ANO3: variants seen among roughly 807,000 people sequenced by gnomAD.
The protein encoded by ANO3 is anoctamin-3.
Under a neutral mutation model 144.8 loss-of-function variants are expected in ANO3, and 99 were observed. The observed-to-expected ratio is 0.68, with a 90% confidence interval of 0.58 to 0.81. The LOEUF is 0.81. Ranked by LOEUF, ANO3 falls within the 30% of genes least tolerant of loss-of-function variation. The probability of loss-of-function intolerance (pLI) is 0.00; values close to 1 mark genes in which losing one functional copy is unlikely to be tolerated. For missense variants in ANO3, 905 were observed against 1,202.2 expected, an observed-to-expected ratio of 0.75 and a Z score of 3.66; for synonymous variants, 414 against 392.6, an observed-to-expected ratio of 1.05 and a Z score of -0.64.
intron 18 of ANO3, among the ~76,000 whole-genome samples, chr11:26,630,824 G>A (rs189398779): frequency 2.0e-5 from 3 of 152,172 alleles, no homozygotes; most frequent in East Asian, 1.9e-4. Context: ...TCAATATTAC[G>A]TTAATCTCAC....
At chr11:26,572,030 C>A (rs914616419) in intron 14 of ANO3, 5 of 955,612 alleles carry the variant, frequency 5.2e-6, no homozygotes, top group African/African-American at 1.8e-5. Context: ...AGTGACCCAA[C>A]GCACACTTAC....
intron 17 of ANO3, among the ~76,000 whole-genome samples, chr11:26,620,527 A>G (rs1852384536): frequency 6.6e-6 from 1 of 152,078 alleles, no homozygotes; most frequent in South Asian, 2.1e-4. Flanking sequence ...TTCCAATTAA[A>G]AATTTTTAAA....
At chr11:26,629,195 A>C (rs1388005463) in intron 18 of ANO3, among the ~76,000 whole-genome samples, 1 of 152,116 alleles carries the variant, frequency 6.6e-6, no homozygotes, top group African/African-American at 2.4e-5. Context: ...GGGTAAAGCA[A>C]CTGAATAGCA....
intron 1 of ANO3, among the ~76,000 whole-genome samples, chr11:26,362,446 G>A (rs1325217376): frequency 2.0e-5 from 3 of 152,194 alleles, no homozygotes; most frequent in African/African-American, 7.2e-5. Flanking sequence ...CACTGAGCAA[G>A]TCAATTTATC....
At chr11:26,534,708 T>G in intron 9 of ANO3, 146 bp downstream of exon 9, 1 of 442,880 alleles carries the variant, frequency 2.3e-6, no homozygotes. Context: ...AAGCATTCCA[T>G]TTTTCAGCCT....
Position 26,516,875 on chromosome 11 carries a change from T to C in ANO3, c.640T>C (p.Trp214Arg). ...CATGTTTATTAAAATTCACATTCCA[T>C]GGGACACGCTGTGCAAGTATGCAGA... ...DIMFIKIHIP[W>R]DTLCKYAERL... Residue 214 changes from tryptophan (W) to arginine (R), a missense_variant, in exon 6 of 27, where the codon TGG (tryptophan) becomes CGG (arginine). Physicochemically the swap from Trp to Arg is moderately radical, Grantham distance 101 (BLOSUM62 -3). This residue lies in a region of ANO3 where 63 missense variants were observed against 107.3 expected (regional missense o/e 0.59). Transcript: ENST00000256737. 6.2e-7 allele frequency: 1 copy of C among 1,611,970 alleles called. No homozygotes were observed. The highest frequency in any genetic ancestry group is 8.5e-7 in the Non-Finnish European group (1 of 1,178,476).
intron 4 of ANO3, among the ~76,000 whole-genome samples, chr11:26,507,377 A>G (rs995603502): frequency 6.6e-6 from 1 of 152,228 alleles, no homozygotes; most frequent in East Asian, 1.9e-4. Flanking sequence ...ACCATTAAAA[A>G]TAGCTTAGGT....
intron 3 of ANO3, among the ~76,000 whole-genome samples, chr11:26,452,685 A>G (rs1357805394): frequency 5.3e-5 from 8 of 152,204 alleles, no homozygotes; most frequent in African/African-American, 1.7e-4. Flanking sequence ...AACTTCCCCA[A>G]TCTAGCAAGG....
At chr11:26,236,715 G>A (rs930165850) in intron 1 of ANO3, among the ~76,000 whole-genome samples, 1 of 151,694 alleles carries the variant, frequency 6.6e-6, no homozygotes, top group African/African-American at 2.4e-5. Context: ...CTACTCGGGA[G>A]GCTGAGGCAG....
At chr11:26,437,561 G>A (rs118016786) in intron 1 of ANO3, among the ~76,000 whole-genome samples, 6,439 of 152,242 alleles carry the variant, frequency 0.042, 196 homozygotes, top group Non-Finnish European at 0.062. Flanking sequence ...CTCAATGCAC[G>A]TACCTGGGTA....
chr11:26,325,159 G>A (rs913515737), intron 1 of ANO3, among the ~76,000 whole-genome samples: 2 of 152,076 alleles, frequency 1.3e-5, no homozygotes, highest in African/African-American at 4.8e-5. Context: ...CACGAATATG[G>A]AAGACTTGAC....
At chr11:26,309,249 A>G (rs778712504), upstream of ANO3, among the ~76,000 whole-genome samples, 11 of 152,194 alleles carry the variant, frequency 7.2e-5, no homozygotes, top group Non-Finnish European at 1.3e-4. Context: ...AATTCCGGTG[A>G]TTTAGCATGC....
intron 14 of ANO3, among the ~76,000 whole-genome samples, chr11:26,584,434 T>C (rs538649031): frequency 6.6e-5 from 10 of 152,266 alleles, no homozygotes; most frequent in Non-Finnish European, 1.3e-4. Context: ...GCTGGGATTA[T>C]AGGCCTTCCT....
chr11:26,442,862 G>C (rs1252688129), intron 2 of ANO3, among the ~76,000 whole-genome samples: 1 of 152,128 alleles, frequency 6.6e-6, no homozygotes, highest in Non-Finnish European at 1.5e-5. Context: ...TGCCTCCCGG[G>C]TTCAAGTGAT....
intron 1 of ANO3, among the ~76,000 whole-genome samples, chr11:26,341,833 G>A (rs1855369824): frequency 6.6e-6 from 1 of 152,146 alleles, no homozygotes; most frequent in South Asian, 2.1e-4. Context: ...TGAAGAACCT[G>A]GAGTCTGATG....
At chr11:26,290,413 G>C (rs1853928892) in intron 1 of ANO3, among the ~76,000 whole-genome samples, 1 of 152,058 alleles carries the variant, frequency 6.6e-6, no homozygotes, top group Non-Finnish European at 1.5e-5. Context: ...ATCTCCTTCA[G>C]TTCTGCTCTG....
intron 1 of ANO3, among the ~76,000 whole-genome samples, chr11:26,214,328 T>C (rs543171711): frequency 1.2e-4 from 19 of 152,050 alleles, no homozygotes; most frequent in Admixed American, 1.2e-3. Flanking sequence ...GATGGAACCT[T>C]CCAGTTTCTG....
intron 1 of ANO3, among the ~76,000 whole-genome samples, chr11:26,368,917 T>C (rs1856170772): frequency 6.6e-6 from 1 of 152,082 alleles, no homozygotes; most frequent in Non-Finnish European, 1.5e-5. Flanking sequence ...ATATTCAAGG[T>C]GAACTGGTTA....
chr11:26,587,323 C>T (rs1341413932), intron 14 of ANO3, among the ~76,000 whole-genome samples: 1 of 152,170 alleles, frequency 6.6e-6, no homozygotes, highest in Non-Finnish European at 1.5e-5. Flanking sequence ...CCAGCCTTTC[C>T]TCCTATGTTT....
Sources: allele counts gnomAD v4.1 joint callset (sites outside exome capture counted in the v4.1 genomes callset), GRCh38; gene constraint gnomAD v4.1.1; regional missense constraint gnomAD v4.1.1; transcripts MANE v1.5; gene names NCBI Gene and HGNC (gene_info 2026-07-23, HGNC 2026-07-21).